PCDHA2: variants seen among roughly 807,000 people sequenced by gnomAD.
The protein encoded by PCDHA2 is protocadherin alpha-2.
In PCDHA2, 58 loss-of-function variants were observed where a neutral mutation model predicts 66.0. The ratio of observed to expected loss-of-function variants is 0.88; its 90% CI spans 0.71 to 1.09. The LOEUF (loss-of-function observed/expected upper bound fraction) is 1.09. Among genes scored for constraint, PCDHA2 ranks in the 50% least tolerant of loss-of-function variants. PCDHA2 has a pLI of 0.00. For missense variants in PCDHA2, 1,267 were observed against 1,242.3 expected, an observed-to-expected ratio of 1.02 and a Z score of -0.30; for synonymous variants, 634 against 554.0, an observed-to-expected ratio of 1.14 and a Z score of -2.03.
rs1298464946 is a variant in PCDHA2, at chr5:140,796,218, G to T, written c.1254G>T (p.Val418=). 1.9e-6 allele frequency: 3 copies of T among 1,614,092 alleles called. No individual in the cohort carries two copies. The highest frequency in any genetic ancestry group is 2.5e-6 in the Non-Finnish European group (3 of 1,180,062). The part of the protein sequence containing the change: ...VLDSALDRES[V]SAYELVVTAR... ...ACAGCGCCCTGGACCGCGAGAGCGT[G>T]TCAGCCTATGAGCTGGTGGTGACCG... The change falls in exon 1 of 4, where the codon GTG becomes GTT. Residue 418 remains valine, a synonymous_variant. Transcript: ENST00000526136.
At chr5:140,921,022 T>C (rs990627966) in intron 1 of PCDHA2, among the ~76,000 whole-genome samples, 6 of 152,094 alleles carry the variant, frequency 3.9e-5, no homozygotes, top group Admixed American at 6.6e-5. Context: ...CTATGTTTTC[T>C]AGACTGGGGT....
At chr5:140,862,498 TG>T in intron 1 of PCDHA2, 1 of 395,232 alleles carries the variant, frequency 2.5e-6, no homozygotes, top group Non-Finnish European at 5.1e-6. Flanking sequence ...TCGCTCGGAA[TG>T]GGGACTCGCT....
At chr5:140,928,671 T>C in intron 1 of PCDHA2, 7 of 1,614,214 alleles carry the variant, frequency 4.3e-6, no homozygotes, top group Non-Finnish European at 5.9e-6. Context: ...GTGGTTCTAA[T>C]GCCTGGCTTT....
chr5:141,010,058 C>T lies in PCDHA2; in HGVS notation c.*121C>T. On this transcript the variant is annotated 3_prime_UTR_variant, in exon 4 of 4. Transcript: ENST00000526136. Reference sequence around the variant, plus strand: ...GAGCCCTCTTAGAGACCTCAGAAATCTGCAGAAAGTTCCCTGTGTCTGTCT... The same window carrying T: ...GAGCCCTCTTAGAGACCTCAGAAATTTGCAGAAAGTTCCCTGTGTCTGTCT... 6.2e-7 allele frequency: 1 copy of T among 1,601,100 alleles called. No homozygotes were observed. Among genetic ancestry groups the T allele is most frequent in the Non-Finnish European group, 8.5e-7 (1 of 1,173,728 alleles).
At chr5:140,944,596 G>A (rs2093672992) in intron 1 of PCDHA2, among the ~76,000 whole-genome samples, 1 of 152,138 alleles carries the variant, frequency 6.6e-6, no homozygotes, top group Admixed American at 6.5e-5. Context: ...ATTTCCCTGG[G>A]TAGAGTAGTG....
chr5:140,935,045 G>T (rs1382389528), intron 1 of PCDHA2, among the ~76,000 whole-genome samples: 1 of 151,952 alleles, frequency 6.6e-6, no homozygotes, highest in Non-Finnish European at 1.5e-5. Flanking sequence ...TTGATTTCTG[G>T]TATTACAAGA....
At chr5:140,916,367 C>T (rs1400347792) in intron 1 of PCDHA2, among the ~76,000 whole-genome samples, 2 of 152,196 alleles carry the variant, frequency 1.3e-5, no homozygotes, top group Non-Finnish European at 1.5e-5. Context: ...GAGTCTTTCA[C>T]TGTAGCCACC....
At chr5:140,832,401 T>C (rs1461467410) in intron 1 of PCDHA2, among the ~76,000 whole-genome samples, 2 of 152,204 alleles carry the variant, frequency 1.3e-5, no homozygotes, top group African/African-American at 4.8e-5. Flanking sequence ...GGTAGTGGTA[T>C]TTTCTGTTTT....
chr5:140,921,721 C>A (rs2080351320), intron 1 of PCDHA2, among the ~76,000 whole-genome samples: 2 of 152,068 alleles, frequency 1.3e-5, no homozygotes, highest in African/African-American at 4.8e-5. Context: ...ACACGAATTA[C>A]TCCCATAAAA....
Position 141,012,283 on chromosome 5 carries a change from AT to A in PCDHA2, c.*2350del, listed in dbSNP as rs1313163740. 6.5e-6 allele frequency: 1 copy of A among 153,798 alleles called. No homozygotes were observed. Among genetic ancestry groups the A allele is most frequent in the Non-Finnish European group, 1.5e-5 (1 of 68,046 alleles). The allele number at this position is 153,798 out of a possible 1,614,324, so 9.5% of individuals were successfully genotyped here. ...AGGATAAAACACGTCATGTGGATTC[AT>A]TTTGAATTGGTGCTATTGGTATTTC... On this transcript the variant is annotated 3_prime_UTR_variant, in exon 4 of 4. Coordinates refer to ENST00000526136, the MANE Select transcript of PCDHA2 (RefSeq NM_018905.3).
chr5:140,994,528 C>T (rs1331400819), intron 3 of PCDHA2, among the ~76,000 whole-genome samples: 1 of 137,784 alleles, frequency 7.3e-6, no homozygotes, highest in Non-Finnish European at 1.5e-5. Flanking sequence ...CATGGCAAAA[C>T]CCCATCTCTA....
At chr5:140,822,806 A>G (rs2150119518) in intron 1 of PCDHA2, 6 of 1,614,176 alleles carry the variant, frequency 3.7e-6, no homozygotes, top group Non-Finnish European at 5.1e-6. Context: ...GATGTGAATG[A>G]TAATACCCCA....
At chr5:140,961,108 C>T (rs1027018505) in intron 1 of PCDHA2, among the ~76,000 whole-genome samples, 1 of 152,174 alleles carries the variant, frequency 6.6e-6, no homozygotes, top group Non-Finnish European at 1.5e-5. Flanking sequence ...CACCCAACCC[C>T]CTTGCATCTT....
chr5:140,884,155 C>T (rs781815602), intron 1 of PCDHA2: 1 of 1,613,430 alleles, frequency 6.2e-7, no homozygotes, highest in Non-Finnish European at 8.5e-7. Flanking sequence ...TGTACACTGG[C>T]GAGATCAGCA....
At chr5:140,926,925 G>A (rs1554203816) in intron 1 of PCDHA2, 1 of 1,574,118 alleles carries the variant, frequency 6.4e-7, no homozygotes, top group Admixed American at 1.8e-5. Flanking sequence ...TTTTATGTTT[G>A]TGGGTTTCCT....
chr5:140,829,401 C>T (rs2150167195), intron 1 of PCDHA2: 15 of 1,614,092 alleles, frequency 9.3e-6, no homozygotes, highest in Non-Finnish European at 1.3e-5. Context: ...TCGCTGTGGG[C>T]CACCGCCAGC....
At position 140,796,721 on chromosome 5, in the gene PCDHA2, G is replaced by T. The variant is rs782166727; in HGVS notation, c.1757G>T (p.Gly586Val). 1.2e-6 allele frequency: 2 copies of T among 1,614,070 alleles called. No homozygotes were observed. The highest frequency in any genetic ancestry group is 8.5e-7 in the Non-Finnish European group (1 of 1,179,942). Residue 586 changes from glycine (G) to valine (V), a missense_variant, in exon 1 of 4, where the codon GGT (glycine) becomes GTT (valine). Gly to Val is a moderately radical substitution (Grantham distance 109, BLOSUM62 -3). Coordinates refer to ENST00000526136, the MANE Select transcript of PCDHA2 (RefSeq NM_018905.3). ...AGTGAGCTGGTGCCGTGGTCGGTGG[G>T]TGCAGGGCACGTGGTGGCGAAGGTG... ...AVSELVPWSV[G>V]AGHVVAKVRA...
At chr5:140,926,362 C>G (rs1199629040) in intron 1 of PCDHA2, 4 of 152,268 alleles carry the variant, frequency 2.6e-5, no homozygotes, top group African/African-American at 9.7e-5. Context: ...TCCCAAAGGG[C>G]GGCAGGAAGA....
chr5:140,989,696 T>G (rs1554251011), intron 3 of PCDHA2, among the ~76,000 whole-genome samples: 1 of 152,216 alleles, frequency 6.6e-6, no homozygotes, highest in African/African-American at 2.4e-5. Flanking sequence ...CGTGAAAATT[T>G]TATCTTCAGA....
Sources: allele counts gnomAD v4.1 joint callset (sites outside exome capture counted in the v4.1 genomes callset), GRCh38; gene constraint gnomAD v4.1.1; transcripts MANE v1.5; gene names NCBI Gene and HGNC (gene_info 2026-07-23, HGNC 2026-07-21).